The following ZNF182 variants were observed in gnomAD, a reference collection of about 807,000 sequenced individuals.
ZNF182 encodes zinc finger protein 182, also known as zinc finger protein 21 (KOX 14).
ZNF182 carries 10 observed loss-of-function variants against 28.1 expected under a neutral mutation model. That is an observed-to-expected ratio of 0.36 (90% CI 0.22 to 0.60). The LOEUF is 0.60. Among genes scored for constraint, ZNF182 ranks in the 20% least tolerant of loss-of-function variants. The pLI is 0.75. For missense variants in ZNF182, 352 were observed against 453.2 expected, an observed-to-expected ratio of 0.78 and a Z score of 2.03; for synonymous variants, 156 against 158.7, an observed-to-expected ratio of 0.98 and a Z score of 0.13.
intron 5 of ZNF182, among the ~76,000 whole-genome samples, chrX:47,981,967 G>GTA (rs1273870573): frequency 3.7e-5 from 4 of 109,373 alleles, no homozygotes; most frequent in Non-Finnish European, 7.6e-5. Flanking sequence ...CCAATCCTAT[G>GTA]TATCTACCCA....
intron 3 of ZNF182, among the ~76,000 whole-genome samples, chrX:47,996,141 T>C (rs1556901057): frequency 9.0e-6 from 1 of 111,554 alleles, no homozygotes; most frequent in Non-Finnish European, 1.9e-5. Flanking sequence ...CATTTGACAG[T>C]TGGAAGAGAA....
At chrX:47,994,501 G>A (rs781889292) in intron 3 of ZNF182, among the ~76,000 whole-genome samples, 1 of 111,665 alleles carries the variant, frequency 9.0e-6, no homozygotes, top group African/African-American at 3.3e-5. Context: ...TGACCAATTC[G>A]ATATAAATAC....
intron 3 of ZNF182, chrX:47,988,692 T>C (rs2058931234): frequency 3.2e-6 from 1 of 311,081 alleles, no homozygotes; most frequent in Admixed American, 5.2e-5. Flanking sequence ...TATAGGGATG[T>C]CTCAAAACGA....
chrX:47,999,444 C>T (rs2058971019), intron 3 of ZNF182, among the ~76,000 whole-genome samples: 2 of 109,926 alleles, frequency 1.8e-5, no homozygotes, highest in African/African-American at 3.3e-5. Context: ...TAAAATAAGC[C>T]AGGTACAGAA....
chrX:47,985,628 T>C (rs1223314874), intron 3 of ZNF182, among the ~76,000 whole-genome samples: 1 of 111,313 alleles, frequency 9.0e-6, no homozygotes, highest in Non-Finnish European at 1.9e-5. Context: ...TTCTGAGTTA[T>C]ATGAGTCATT....
intron 3 of ZNF182, among the ~76,000 whole-genome samples, chrX:47,999,766 G>A (rs1217644026): frequency 2.7e-5 from 3 of 112,356 alleles, no homozygotes; most frequent in Admixed American, 9.4e-5. Flanking sequence ...ATCTTGATTG[G>A]ATCATTACAC....
rs781921837 is a variant in ZNF182 at position 47,977,418 on chromosome X, T to C, written c.612A>G (p.Leu204=). Residue 204 remains leucine, a synonymous_variant, in exon 6 of 6, where the codon CTA becomes CTG. Transcript: ENST00000376943. ...TCTCTCCATTTTTAATTCTCTGATG[T>C]AGACTAAGGCCTTTCTTTCGCCTAA... The part of the protein sequence containing the change: ...KGLRRKKGLS[L]HQRIKNGEKP... The C allele has an allele frequency of 9.1e-6, 11 of 1,208,082 alleles. No homozygotes were observed. In the East Asian group the frequency reaches 3.3e-4, roughly 36 times the overall value.
At position 47,983,359 on chromosome X, in the gene ZNF182, T is replaced by C. The variant is rs61249955; in HGVS notation, c.68A>G (p.Gln23Arg). ...VAVDFTQEEW[Q>R]YLNPPQRTLY... ...GGTCCTCTGTGGTGGGTTCAGGTAC[T>C]GCCACTCCTCCTGGGTGAAATCCAC... The change falls in exon 4 of 6, where the codon CAG becomes CGG. Residue 23 changes from glutamine (Q) to arginine (R), a missense_variant. Transcript: ENST00000376943. The C allele has an allele frequency of 1.1e-3, 1,364 of 1,208,910 alleles. 11 individuals are homozygous for C. The African/African-American group carries it at 0.02, about 18-fold the overall frequency.
At position 47,974,893 on chromosome X, in the gene ZNF182, C is replaced by T. The variant is rs782133723; in HGVS notation, c.*1274G>A. The stretch of plus-strand genomic sequence containing the variant: ...TATTTTTGAAAAGGTAGTACATCCA[C>T]ATAGTACATAGTACACCCACATTTT... On this transcript the variant is annotated 3_prime_UTR_variant, in exon 6 of 6. Coordinates refer to ENST00000376943, the MANE Select transcript of ZNF182 (RefSeq NM_001007088.2). The T allele has an allele frequency of 1.8e-5, 2 of 111,581 alleles. No homozygotes were observed. The highest frequency in any genetic ancestry group is 6.5e-5 in the African/African-American group (2 of 30,690). The allele number at this position is 111,581 out of a possible 1,213,427, so 9.2% of individuals were successfully genotyped here.
intron 5 of ZNF182, among the ~76,000 whole-genome samples, chrX:47,979,207 T>C (rs1420911179): frequency 1.8e-5 from 2 of 112,444 alleles, no homozygotes; most frequent in Non-Finnish European, 3.8e-5. Context: ...GCTATAGTGA[T>C]ACTGAATTTT....
intron 3 of ZNF182, among the ~76,000 whole-genome samples, chrX:47,991,262 G>A (rs922967040): frequency 1.8e-5 from 2 of 111,358 alleles, no homozygotes; most frequent in African/African-American, 6.6e-5. Flanking sequence ...AGGCCACAGC[G>A]AGAAGACAGC....
chrX:47,975,276 C>T lies in ZNF182; in HGVS notation c.*891G>A, dbSNP rs1039630393. On this transcript the variant is annotated 3_prime_UTR_variant, in exon 6 of 6. Transcript: ENST00000376943. Reference sequence around the variant, plus strand: ...CCCTGATATGGTGTCATTTAAACAGCTTCCAATCTTTTGTTTTCACAAACG... The same window carrying T: ...CCCTGATATGGTGTCATTTAAACAGTTTCCAATCTTTTGTTTTCACAAACG... 9.9e-6 allele frequency: 1 copy of T among 100,790 alleles called. No individual in the cohort carries two copies. The highest frequency in any genetic ancestry group is 2.0e-5 in the Non-Finnish European group (1 of 49,960). The allele number at this position is 100,790 out of a possible 1,213,427, so 8.3% of individuals were successfully genotyped here.
intron 3 of ZNF182, among the ~76,000 whole-genome samples, chrX:47,995,955 G>A (rs1482895643): frequency 8.9e-6 from 1 of 112,349 alleles, no homozygotes; most frequent in Non-Finnish European, 1.9e-5. Flanking sequence ...CTCAAGGAAG[G>A]AAAACCAAGA....
Position 47,976,560 on chromosome X carries a change from T to A in ZNF182, c.1470A>T (p.Thr490=), listed in dbSNP as rs781813681. Residue 490 remains threonine, a synonymous_variant, in exon 6 of 6, where the codon ACA becomes ACT. Coordinates refer to ENST00000376943, the MANE Select transcript of ZNF182 (RefSeq NM_001007088.2). ...CATTACATTTATAGGGTTTTTCTTCTGTATGAGTTCTTTGATGTATAATGA... is the reference window on the plus strand; with the variant it reads ...CATTACATTTATAGGGTTTTTCTTCAGTATGAGTTCTTTGATGTATAATGA... ...SYLIIHQRTH[T]EEKPYKCNEC... is the part of the protein sequence containing the mutation. 1 of 1,208,683 alleles carries A rather than the reference T, an allele frequency of 8.3e-7. No homozygotes were observed. Among genetic ancestry groups the A allele is most frequent in the African/African-American group, 1.7e-5 (1 of 57,676 alleles).
intron 3 of ZNF182, among the ~76,000 whole-genome samples, chrX:47,985,002 T>C (rs782092518): frequency 1.8e-5 from 2 of 111,304 alleles, no homozygotes; most frequent in Non-Finnish European, 3.8e-5. Context: ...GTAGAGCAAC[T>C]GCACCTCTCC....
chrX:47,976,196 T>G lies in ZNF182; in HGVS notation c.1834A>C (p.Thr612Pro). The change falls in exon 6 of 6, where the codon ACT becomes CCT. Residue 612 changes from threonine (T) to proline (P), a missense_variant. Transcript: ENST00000376943. ...AGKKAHGRGHTRKSKFMAH is the reference protein window; with the variant it reads ...AGKKAHGRGHPRKSKFMAH ...TGTGCCATGAACTTTGACTTCCGAG[T>G]GTGGCCTCTTCCATGGGCTTTCTTT... 1.7e-6 allele frequency: 2 copies of G among 1,160,308 alleles called. No individual in the cohort carries two copies. The highest frequency in any genetic ancestry group is 2.4e-4 in the Middle Eastern group (1 of 4,117).
chrX:47,984,359 T>G (rs1291721694), intron 3 of ZNF182, among the ~76,000 whole-genome samples: 1 of 112,040 alleles, frequency 8.9e-6, no homozygotes, highest in African/African-American at 3.2e-5. Flanking sequence ...AGTTTGGCAT[T>G]ATTTACAAAG....
intron 3 of ZNF182, among the ~76,000 whole-genome samples, chrX:47,985,132 C>A (rs1556899654): frequency 1.8e-5 from 2 of 111,968 alleles, no homozygotes; most frequent in Non-Finnish European, 3.8e-5. Context: ...TGTACATGAA[C>A]ATTTATATAG....
chrX:47,995,518 T>C (rs2058955909), intron 3 of ZNF182, among the ~76,000 whole-genome samples: 1 of 111,584 alleles, frequency 9.0e-6, no homozygotes, highest in Non-Finnish European at 1.9e-5. Context: ...ATGAACAGAT[T>C]CTGGGACCTC....
Sources: allele counts gnomAD v4.1 joint callset (sites outside exome capture counted in the v4.1 genomes callset), GRCh38; gene constraint gnomAD v4.1.1; transcripts MANE v1.5; gene names NCBI Gene and HGNC (gene_info 2026-07-23, HGNC 2026-07-21).